Variants in TPX2 observed in about 807,000 individuals in gnomAD.
TPX2 encodes the protein TPX2 microtubule nucleation factor.
In TPX2, 21 loss-of-function variants were observed where a neutral mutation model predicts 93.6. The observed-to-expected ratio is 0.22, with a 90% CI of 0.16 to 0.32. The LOEUF is 0.32. Ranked by LOEUF, TPX2 falls within the 10% of genes least tolerant of loss-of-function variation. The probability of loss-of-function intolerance (pLI) is 1.00; values close to 1 mark genes in which losing one functional copy is unlikely to be tolerated. For synonymous variants in TPX2, 281 were observed against 298.3 expected (o/e 0.94, Z 0.60); for missense variants, 776 against 871.1 (o/e 0.89, Z 1.37).
intron 2 of TPX2, among the ~76,000 whole-genome samples, chr20:31,755,501 C>T (rs1165316697): frequency 2.0e-5 from 3 of 151,268 alleles, no homozygotes; most frequent in Admixed American, 1.3e-4. Flanking sequence ...AATGGCTGGC[C>T]GGGCGCGGTG....
intron 1 of TPX2, among the ~76,000 whole-genome samples, chr20:31,740,073 T>C (rs2061745126): frequency 6.6e-6 from 1 of 152,186 alleles, no homozygotes; most frequent in South Asian, 2.1e-4. Flanking sequence ...CCCTTTCTCA[T>C]TTCCTTTCTC....
intron 9 of TPX2, among the ~76,000 whole-genome samples, chr20:31,778,573 C>A (rs577379567): frequency 6.6e-6 from 1 of 152,262 alleles, no homozygotes; most frequent in East Asian, 1.9e-4. Context: ...GGGGAAATTA[C>A]CTATGTACTA....
intron 9 of TPX2, among the ~76,000 whole-genome samples, chr20:31,778,558 G>T (rs111320628): frequency 1.6e-4 from 25 of 152,246 alleles, no homozygotes; most frequent in African/African-American, 6.0e-4. Context: ...CATTGACATG[G>T]TTGGGGGGAA....
intron 6 of TPX2, 39 bp from the exon 7 acceptor site, chr20:31,771,521 G>T: frequency 6.3e-7 from 1 of 1,599,802 alleles, no homozygotes; most frequent in South Asian, 1.1e-5. Flanking sequence ...CTATGCTTCA[G>T]GGAATTGAAA....
chr20:31,794,271 C>A, intron 14 of TPX2, 131 bp from the exon 15 acceptor site: 1 of 1,284,390 alleles, frequency 7.8e-7, no homozygotes, highest in Non-Finnish European at 1.1e-6. Flanking sequence ...CCTTTTGAAC[C>A]CATTATTCAT....
At chr20:31,743,571 T>C (rs992949184) in intron 2 of TPX2, among the ~76,000 whole-genome samples, 1 of 151,704 alleles carries the variant, frequency 6.6e-6, no homozygotes, top group Non-Finnish European at 1.5e-5. Flanking sequence ...TGGCACCTAC[T>C]TGTAGTCCCA....
At chr20:31,772,031 T>TC (rs2061967266) in intron 7 of TPX2, among the ~76,000 whole-genome samples, 1 of 150,362 alleles carries the variant, frequency 6.7e-6, no homozygotes, top group African/African-American at 2.5e-5. Flanking sequence ...TTTTTTTTTT[T>TC]TTTTTTTGAG....
intron 2 of TPX2, among the ~76,000 whole-genome samples, chr20:31,746,144 T>C (rs1403393702): frequency 6.6e-6 from 1 of 152,238 alleles, no homozygotes; most frequent in Non-Finnish European, 1.5e-5. Context: ...TTGACCCAAT[T>C]TTGGAAGCTT....
At chr20:31,773,204 T>C (rs2061975360) in intron 7 of TPX2, among the ~76,000 whole-genome samples, 1 of 147,714 alleles carries the variant, frequency 6.8e-6, no homozygotes, top group African/African-American at 2.5e-5. Context: ...CAGGCTGGAA[T>C]GCAGTGGCAC....
chr20:31,744,569 A>C (rs979710723), intron 2 of TPX2, among the ~76,000 whole-genome samples: 2 of 151,862 alleles, frequency 1.3e-5, no homozygotes, highest in African/African-American at 2.4e-5. Context: ...TCTGTCACCC[A>C]GGCTGGAGTG....
At chr20:31,789,192 A>G (rs764384571) in intron 12 of TPX2, among the ~76,000 whole-genome samples, 3 of 152,272 alleles carry the variant, frequency 2.0e-5, no homozygotes, top group Non-Finnish European at 4.4e-5. Context: ...ATTTGGAAGT[A>G]TTTAATTTGT....
At chr20:31,757,969 A>ACCAGTTTTACTCAGATTTCT (rs1402843246) in intron 3 of TPX2, among the ~76,000 whole-genome samples, 1 of 151,736 alleles carries the variant, frequency 6.6e-6, no homozygotes, top group Non-Finnish European at 1.5e-5. Context: ...CATACAATCT[A>ACCAGTTTTACTCAGATTTCT]CCAGTTTTAC....
intron 2 of TPX2, among the ~76,000 whole-genome samples, chr20:31,743,072 G>A (rs1304817989): frequency 6.6e-6 from 1 of 152,102 alleles, no homozygotes; most frequent in East Asian, 1.9e-4. Context: ...AAATTAGCTG[G>A]GTGTGGTGGT....
At chr20:31,788,211 G>GT (rs913149749) in intron 12 of TPX2, among the ~76,000 whole-genome samples, 10 of 152,070 alleles carry the variant, frequency 6.6e-5, no homozygotes, top group African/African-American at 2.4e-4. Context: ...GAGGTCAGGA[G>GT]TTGGAGACCA....
At chr20:31,790,126 TTTG>T (rs1456847099) in intron 12 of TPX2, among the ~76,000 whole-genome samples, 1 of 152,204 alleles carries the variant, frequency 6.6e-6, no homozygotes, top group Non-Finnish European at 1.5e-5. Context: ...AAGAGCAGAT[TTTG>T]TTGTTGTTGC....
At chr20:31,742,932 C>T (rs545799193) in intron 2 of TPX2, among the ~76,000 whole-genome samples, 20 of 152,000 alleles carry the variant, frequency 1.3e-4, no homozygotes, top group African/African-American at 3.4e-4. Flanking sequence ...TTCTCATATG[C>T]GGCCGGTTAC....
chr20:31,756,449 T>G (rs2061852676), intron 2 of TPX2, among the ~76,000 whole-genome samples: 1 of 152,084 alleles, frequency 6.6e-6, no homozygotes, highest in African/African-American at 2.4e-5. Flanking sequence ...AATTGGGTTA[T>G]TCAGGGCAGA....
intron 12 of TPX2, 34 bp downstream of exon 12, chr20:31,783,955 T>C: frequency 1.2e-6 from 2 of 1,607,054 alleles, no homozygotes; most frequent in Non-Finnish European, 1.7e-6. Flanking sequence ...GGCAGAAGTG[T>C]ACTGCTCATG....
rs2062126896 is a variant in TPX2 at position 31,794,837 on chromosome 20, T to C, written c.1833+289T>C. 3.9e-5 allele frequency among the ~76,000 whole-genome samples: 6 copies of C among 151,954 alleles called. No individual in the cohort carries two copies. The South Asian group carries it at 1.2e-3, about 32-fold the overall frequency. ...ATTTTGTTGTTGTTGTTGTTGTTTTTTGAGACAGAGCCTTGCTGTGTTGCC... is the reference window on the plus strand; with the variant it reads ...ATTTTGTTGTTGTTGTTGTTGTTTTCTGAGACAGAGCCTTGCTGTGTTGCC... On this transcript the variant is annotated intron_variant, in intron 15 of 17. Transcript: ENST00000300403.
Sources: gnomAD v4.1 joint callset for allele counts (sites outside exome capture counted in the v4.1 genomes callset) on GRCh38, gnomAD v4.1.1 for gene constraint, MANE v1.5 for transcripts, NCBI Gene and HGNC (gene_info 2026-07-23, HGNC 2026-07-21) for gene names.